The following RCAN2 variants were observed in gnomAD, a reference collection of about 807,000 sequenced individuals.
RCAN2 encodes the protein regulator of calcineurin 2.
In RCAN2, 9 loss-of-function variants were observed where a neutral mutation model predicts 23.6. The observed-to-expected ratio is 0.38, with a 90% CI of 0.23 to 0.67. RCAN2 has a LOEUF of 0.67. RCAN2 is among the 30% of genes least tolerant of loss of function. The probability of loss-of-function intolerance (pLI) is 0.51; values close to 1 mark genes in which losing one functional copy is unlikely to be tolerated. For synonymous variants in RCAN2, 109 were observed against 115.7 expected (o/e 0.94, Z 0.37); for missense variants, 273 against 302.3 (o/e 0.90, Z 0.72).
At chr6:46,387,646 C>T (rs12193754) in intron 2 of RCAN2, among the ~76,000 whole-genome samples, 5,063 of 152,284 alleles carry the variant, frequency 0.033, 129 homozygotes, top group Non-Finnish European at 0.05. Flanking sequence ...CACTTTTACA[C>T]TGTTGATGGG....
At chr6:46,408,553 C>T (rs1281229773) in intron 2 of RCAN2, among the ~76,000 whole-genome samples, 2 of 152,170 alleles carry the variant, frequency 1.3e-5, no homozygotes, top group Non-Finnish European at 2.9e-5. Flanking sequence ...ATGCTAGGCA[C>T]TGCCACTAGG....
intron 2 of RCAN2, among the ~76,000 whole-genome samples, chr6:46,336,222 A>G (rs1406321453): frequency 6.6e-6 from 1 of 152,216 alleles, no homozygotes; most frequent in Non-Finnish European, 1.5e-5. Flanking sequence ...AACTTGGCTG[A>G]ATTTCTTGGT....
chr6:46,456,935 C>T lies in RCAN2; in HGVS notation c.42G>A (p.Gly14=), dbSNP rs1768053505. The change falls in exon 2 of 5, where the codon GGG becomes GGA. Residue 14 remains glycine, a synonymous_variant. Coordinates refer to ENST00000371374, the MANE Select transcript of RCAN2 (RefSeq NM_001251974.2). The part of the protein sequence containing the change: ...ESYFIGMRSP[G]QQGHVPEDGG... Reference sequence around the variant, plus strand: ...CATCTTCAGGGACGTGTCCCTGCTGCCCTGGGCTCCTCATTCCGATGAAGT... The same window carrying T: ...CATCTTCAGGGACGTGTCCCTGCTGTCCTGGGCTCCTCATTCCGATGAAGT... 1.3e-6 allele frequency: 2 copies of T among 1,550,804 alleles called. No individual in the cohort carries two copies. The highest frequency in any genetic ancestry group is 4.9e-5 in the East Asian group (2 of 40,922).
chr6:46,363,806 T>TAA lies in RCAN2; in HGVS notation c.225+92944_225+92945dup, dbSNP rs5875962. Among the ~76,000 whole-genome samples, 1,257 of 151,764 alleles carry TAA rather than the reference T, an allele frequency of 8.3e-3. 17 individuals carry two copies. Among genetic ancestry groups the TAA allele is most frequent in the African/African-American group, 0.029 (1,189 of 41,454 alleles). On this transcript the variant is annotated intron_variant, in intron 2 of 4. Coordinates refer to ENST00000371374, the MANE Select transcript of RCAN2 (RefSeq NM_001251974.2). Reference sequence around the variant, plus strand: ...AGTAAAATAATGATTCTCATGCAAATAAAAAAAATGCTAGGCTTTATTCAA... The same window carrying TAA: ...AGTAAAATAATGATTCTCATGCAAATAAAAAAAAAATGCTAGGCTTTATTCAA...
chr6:46,407,643 G>A (rs772397345), intron 2 of RCAN2, among the ~76,000 whole-genome samples: 8 of 152,028 alleles, frequency 5.3e-5, no homozygotes, highest in Non-Finnish European at 8.8e-5. Flanking sequence ...TTGAGAGAAG[G>A]GAATCCATTT....
At chr6:46,270,944 A>G (rs1041091134) in intron 2 of RCAN2, among the ~76,000 whole-genome samples, 2 of 152,228 alleles carry the variant, frequency 1.3e-5, no homozygotes, top group African/African-American at 4.8e-5. Flanking sequence ...CTGTAGCCAC[A>G]GCCAGTTCTG....
At chr6:46,351,932 C>T (rs1378597690) in intron 2 of RCAN2, among the ~76,000 whole-genome samples, 1 of 152,202 alleles carries the variant, frequency 6.6e-6, no homozygotes, top group African/African-American at 2.4e-5. Flanking sequence ...CCTCTTCCCT[C>T]TGTTCAATGC....
At chr6:46,375,695 G>A (rs576756192) in intron 2 of RCAN2, among the ~76,000 whole-genome samples, 1 of 152,160 alleles carries the variant, frequency 6.6e-6, no homozygotes, top group Non-Finnish European at 1.5e-5. Context: ...AGGCTTTGTA[G>A]GCCATACCGT....
intron 2 of RCAN2, among the ~76,000 whole-genome samples, chr6:46,281,688 C>G (rs549611661): frequency 1.3e-5 from 2 of 152,192 alleles, no homozygotes; most frequent in East Asian, 3.9e-4. Context: ...TGTTATTTTT[C>G]TTTTTATTAG....
At chr6:46,398,867 G>GT (rs1766165591) in intron 2 of RCAN2, among the ~76,000 whole-genome samples, 1 of 151,406 alleles carries the variant, frequency 6.6e-6, no homozygotes, top group Non-Finnish European at 1.5e-5. Context: ...TTTATTTATA[G>GT]TTTTTACTGT....
intron 2 of RCAN2, chr6:46,325,464 T>C (rs1402307510): frequency 2.5e-6 from 4 of 1,614,006 alleles, no homozygotes; most frequent in South Asian, 1.1e-5. Context: ...TCACAGTCCA[T>C]GCTAGGGGCT....
intron 1 of RCAN2, among the ~76,000 whole-genome samples, chr6:46,467,568 G>A (rs1015944011): frequency 3.3e-5 from 5 of 152,134 alleles, no homozygotes; most frequent in African/African-American, 1.2e-4. Flanking sequence ...CTTTTTGCAT[G>A]TACAGAAGGA....
chr6:46,263,942 G>C (rs1767230428), intron 2 of RCAN2, among the ~76,000 whole-genome samples: 1 of 152,132 alleles, frequency 6.6e-6, no homozygotes, highest in Non-Finnish European at 1.5e-5. Flanking sequence ...TTATTTAATA[G>C]CAAGATGCTT....
At chr6:46,363,015 T>C (rs1765059323) in intron 2 of RCAN2, among the ~76,000 whole-genome samples, 1 of 152,192 alleles carries the variant, frequency 6.6e-6, no homozygotes, top group African/African-American at 2.4e-5. Context: ...TCCTACTTAG[T>C]GGCATGCACT....
chr6:46,368,711 T>C (rs561022242), intron 2 of RCAN2, among the ~76,000 whole-genome samples: 61 of 151,882 alleles, frequency 4.0e-4, no homozygotes, highest in Non-Finnish European at 8.1e-4. Context: ...AAATAAAAAG[T>C]GGTGCACCTG....
At chr6:46,484,910 T>C (rs986903399) in intron 1 of RCAN2, among the ~76,000 whole-genome samples, 4 of 152,212 alleles carry the variant, frequency 2.6e-5, no homozygotes, top group African/African-American at 4.8e-5. Flanking sequence ...ATCAAGCCCT[T>C]ATCTTCACCA....
intron 4 of RCAN2, among the ~76,000 whole-genome samples, chr6:46,242,625 G>A (rs1199791077): frequency 1.3e-5 from 2 of 152,064 alleles, no homozygotes; most frequent in Admixed American, 6.5e-5. Context: ...CTGTACTTCT[G>A]GAACTGAGGT....
chr6:46,263,539 A>ATGTGTGTGTGTGTGTG (rs59953064), intron 2 of RCAN2, among the ~76,000 whole-genome samples: 2 of 82,378 alleles, frequency 2.4e-5, no homozygotes, highest in Admixed American at 1.2e-4. Flanking sequence ...GTGTGTGTGT[A>ATGTGTGTGTGTGTGTG]TGTGTGTGTG....
intron 2 of RCAN2, among the ~76,000 whole-genome samples, chr6:46,370,801 T>C (rs1422900498): frequency 1.3e-5 from 2 of 152,246 alleles, no homozygotes; most frequent in Non-Finnish European, 1.5e-5. Flanking sequence ...TCCTGACCTT[T>C]CACCTTTGTG....
Sources: allele counts gnomAD v4.1 joint callset (sites outside exome capture counted in the v4.1 genomes callset), GRCh38; gene constraint gnomAD v4.1.1; transcripts MANE v1.5; gene names NCBI Gene and HGNC (gene_info 2026-07-23, HGNC 2026-07-21).